The following CDC42BPG variants were observed in gnomAD, a reference collection of about 807,000 sequenced individuals.
CDC42BPG encodes serine/threonine-protein kinase MRCK gamma.
A neutral mutation model predicts 192.2 loss-of-function variants in CDC42BPG; 157 were observed. That is an observed-to-expected ratio of 0.82 (90% confidence interval 0.72 to 0.93). The LOEUF (loss-of-function observed/expected upper bound fraction) is 0.93. CDC42BPG is among the 40% of genes least tolerant of loss of function. CDC42BPG has a pLI of 0.00. For missense variants in CDC42BPG, 1,992 were observed against 2,122.1 expected (o/e 0.94, Z 1.20); for synonymous variants, 981 against 918.5 (o/e 1.07, Z -1.23).
chr11:64,834,245 A>T (rs1231801041), intron 20 of CDC42BPG, 21 bp downstream of exon 20: 1 of 1,551,782 alleles, frequency 6.4e-7, no homozygotes. Context: ...GCTCCGGGGC[A>T]AGCAGTTGGC....
In CDC42BPG at chr11:64,836,838, C is replaced by T. The variant is rs1433772037; in HGVS notation, c.1304-19G>A. 2 of 1,610,862 alleles carry T rather than the reference C, an allele frequency of 1.2e-6. No individual in the cohort carries two copies. The highest frequency in any genetic ancestry group is 1.1e-5 in the South Asian group (1 of 90,924). ...AGGGCCTCTGGAGGGGAGGTGGTAC[C>T]CACAGGTGAGTCCACTCCTCCATTC... On this transcript the variant is annotated intron_variant, in intron 10 of 36. Coordinates refer to ENST00000342711, the MANE Select transcript of CDC42BPG (RefSeq NM_017525.3).
intron 36 of CDC42BPG, 55 bp from the exon 37 acceptor site, chr11:64,824,584 C>T (rs1942348649): frequency 1.3e-5 from 17 of 1,316,440 alleles, no homozygotes; most frequent in Non-Finnish European, 1.7e-5. Flanking sequence ...ACTCTTTCCT[C>T]ATAGGGCTGG....
Position 64,833,249 on chromosome 11 carries a change from G to A in CDC42BPG, c.2713C>T (p.Gln905Ter), listed in dbSNP as rs1179459664. 1 of 1,549,216 alleles carries A rather than the reference G, an allele frequency of 6.5e-7. No homozygotes were observed. The highest frequency in any genetic ancestry group is 8.7e-7 in the Non-Finnish European group (1 of 1,146,524). ...CTSLMLGLGR[Q>*]GLGCDACGYF... ...CTCTCACCATCACAACCCAGGCCCT[G>A]GCGGCCCAGGCCCAGCATCAGCGAG... The change falls in exon 24 of 37, where the codon CAG becomes TAG. Residue 905 changes from glutamine (Q) to a stop codon, truncating the protein, a stop_gained. Coordinates refer to ENST00000342711, the MANE Select transcript of CDC42BPG (RefSeq NM_017525.3). LOFTEE classifies it high-confidence loss of function.
Position 64,840,571 on chromosome 11 carries a change from G to A in CDC42BPG, c.414C>T (p.Phe138=). The A allele has an allele frequency of 1.2e-6, 2 of 1,613,962 alleles. No homozygotes were observed. Among genetic ancestry groups the A allele is most frequent in the Non-Finnish European group, 1.7e-6 (2 of 1,179,996 alleles). Reference sequence around the variant, plus strand: ...TCCTCACCAGGTACTCCTCGTCTTGGAAGGCATAGTGCAGAGTGGTCACCC... The same window carrying A: ...TCCTCACCAGGTACTCCTCGTCTTGAAAGGCATAGTGCAGAGTGGTCACCC... ...SRWVTTLHYA[F]QDEEYLYLVM... Residue 138 remains phenylalanine, a synonymous_variant, in exon 4 of 37, where the codon TTC becomes TTT. Coordinates refer to ENST00000342711, the MANE Select transcript of CDC42BPG (RefSeq NM_017525.3).
Position 64,840,202 on chromosome 11 carries a change from G to A in CDC42BPG, c.499C>T (p.Leu167Phe), listed in dbSNP as rs1943217106. 6.2e-7 allele frequency: 1 copy of A among 1,613,250 alleles called. No individual in the cohort carries two copies. The highest frequency in any genetic ancestry group is 8.5e-7 in the Non-Finnish European group (1 of 1,179,990). The change falls in exon 5 of 37, where the codon CTC becomes TTC. Residue 167 changes from leucine (L) to phenylalanine (F), a missense_variant. By Grantham distance (22) the Leu-to-Phe change is conservative. Around this residue, in one of 2 missense-constraint regions of CDC42BPG, gnomAD observed 1,656 missense variants for 1,844.3 expected, o/e 0.90. Coordinates refer to ENST00000342711, the MANE Select transcript of CDC42BPG (RefSeq NM_017525.3). ...LTLLSRFEDR[L>F]PPELAQFYLA... is the part of the protein sequence containing the mutation. ...TAGAACTGGGCCAGCTCGGGCGGGAGACGGTCCTCGAAGCGGCTCAGCAGC... is the reference window on the plus strand; with the variant it reads ...TAGAACTGGGCCAGCTCGGGCGGGAAACGGTCCTCGAAGCGGCTCAGCAGC...
In CDC42BPG at chr11:64,841,608, C is replaced by A. The variant is rs754302953; in HGVS notation, c.336+42G>T. 33 of 1,561,518 alleles carry A rather than the reference C, an allele frequency of 2.1e-5. No individual in the cohort carries two copies. The Admixed American group carries it at 5.2e-4, about 25-fold the overall frequency. On this transcript the variant is annotated intron_variant, in intron 3 of 36. Transcript: ENST00000342711. ...TGGCAGCATACACCTCCCCCACACC[C>A]ATTTGTAGGGTGCCCAAGGGCCCCC...
At chr11:64,834,179 C>G (rs1942853869) in intron 20 of CDC42BPG, 87 bp downstream of exon 20, 1 of 1,435,864 alleles carries the variant, frequency 7.0e-7, no homozygotes, top group African/African-American at 1.4e-5. Flanking sequence ...GTCTCCACCA[C>G]CCTGCCAGGC....
intron 14 of CDC42BPG, 30 bp downstream of exon 14, chr11:64,835,732 A>C: frequency 6.2e-7 from 1 of 1,612,058 alleles, no homozygotes; most frequent in Admixed American, 1.7e-5. Flanking sequence ...GTGGGGAAGC[A>C]CCTCTTGCCA....
At chr11:64,824,942 G>C (rs2136233821) in intron 36 of CDC42BPG, among the ~76,000 whole-genome samples, 1 of 146,124 alleles carries the variant, frequency 6.8e-6, no homozygotes, top group South Asian at 2.2e-4. Context: ...TTTTTTTGGA[G>C]ACAGAGTCTC....
Position 64,827,074 on chromosome 11 carries a change from C to G in CDC42BPG, c.4365G>C (p.Arg1455=). The G allele has an allele frequency of 6.2e-7, 1 of 1,612,942 alleles. No homozygotes were observed. The highest frequency in any genetic ancestry group is 8.5e-7 in the Non-Finnish European group (1 of 1,179,040). Residue 1455 remains arginine, a synonymous_variant, in exon 34 of 37, where the codon CGG becomes CGC. Coordinates refer to ENST00000342711, the MANE Select transcript of CDC42BPG (RefSeq NM_017525.3). The part of the protein sequence containing the change: ...HLVHVGPANG[R]PGARDKSPAP... ...CCGGGGACTTGTCCCTGGCGCCGGG[C>G]CGCCCGTTGGCAGGGCCCACGTGTA...
At chr11:64,831,756 C>A (rs1326132013) in intron 27 of CDC42BPG, 35 bp from the exon 28 acceptor site, 1 of 1,535,034 alleles carries the variant, frequency 6.5e-7, no homozygotes. Flanking sequence ...GGGCCGTGGA[C>A]CAGAGCCATC....
At chr11:64,834,713 A>G (rs1565684392) in intron 18 of CDC42BPG, 136 bp from the exon 19 acceptor site, 7 of 1,344,388 alleles carry the variant, frequency 5.2e-6, no homozygotes, top group Non-Finnish European at 7.0e-6. Context: ...ACCCACTGTG[A>G]GCTCAGGGAA....
chr11:64,824,538 G>C lies in CDC42BPG; in HGVS notation c.4600-9C>G. The C allele has an allele frequency of 6.3e-7, 1 of 1,596,196 alleles. No homozygotes were observed. Among genetic ancestry groups the C allele is most frequent in the Non-Finnish European group, 8.6e-7 (1 of 1,164,070 alleles). On this transcript the variant is annotated splice_polypyrimidine_tract_variant and intron_variant, in intron 36 of 36. Transcript: ENST00000342711. ...CGGGGCCGTTCTGAGACCTGCAGGA[G>C]AAAGAAAAGGAAGTCAAGGGGTAGG...
rs567237746 is a variant in CDC42BPG at position 64,831,555 on chromosome 11, T to C, written c.3254A>G (p.Tyr1085Cys). Reference protein sequence around the residue: ...PRPVYTLKEAYDNGLPLLPHT... With the variant: ...PRPVYTLKEACDNGLPLLPHT... ...AGGCAGCAGCGGCAGCCCGTTGTCG[T>C]AAGCCTCCTTGAGTGTGTACACGGG... The change falls in exon 28 of 37, where the codon TAC (tyrosine) becomes TGC (cysteine). Residue 1085 changes from tyrosine (Y) to cysteine (C), a missense_variant. Tyr to Cys is a radical substitution (Grantham distance 194). This residue lies in a region of CDC42BPG where 1,656 missense variants were observed against 1,844.3 expected (regional missense o/e 0.90). Transcript: ENST00000342711. The C allele has an allele frequency of 6.9e-5, 111 of 1,612,278 alleles. 2 individuals are homozygous for C. The South Asian group carries it at 1.2e-3, about 18-fold the overall frequency.
At chr11:64,827,645 T>C (rs752488993) in intron 31 of CDC42BPG, 34 bp from the exon 32 acceptor site, 50 of 1,605,114 alleles carry the variant, frequency 3.1e-5, no homozygotes, top group Middle Eastern at 1.7e-4. Context: ...AGGCCACGCC[T>C]CCACCCCCGG....
chr11:64,836,789 TC>T lies in CDC42BPG; in HGVS notation c.1333del (p.Glu445SerfsTer20). 1 of 1,539,188 alleles carries T rather than the reference TC, an allele frequency of 6.5e-7. No individual in the cohort carries two copies. Among genetic ancestry groups the T allele is most frequent in the Non-Finnish European group, 8.8e-7 (1 of 1,140,152 alleles). ...EALHAPTDHR[E>X]LEQLRKEVQT... ...CACTTCCTTCCGTAGCTGCTCCAGC[TC>T]CCGATGGTCTGTGGGGGCGTGCAGG... On this transcript the variant is annotated frameshift_variant, in exon 11 of 37. Transcript: ENST00000342711. LOFTEE classifies it high-confidence loss of function.
chr11:64,833,993 G>A lies in CDC42BPG; in HGVS notation c.2414-16C>T, dbSNP rs962481619. The A allele has an allele frequency of 1.2e-6, 2 of 1,614,080 alleles. No individual in the cohort carries two copies. The highest frequency in any genetic ancestry group is 1.7e-5 in the Admixed American group (1 of 60,012). ...GGCTTGGTGTCTGCAAAGAAAGGGT[G>A]GGTCACTGGCCTGGGGTCCCTGGCC... On this transcript the variant is annotated splice_polypyrimidine_tract_variant and intron_variant, in intron 20 of 36. Transcript: ENST00000342711.
chr11:64,844,014 G>C (rs146043110), intron 1 of CDC42BPG, among the ~76,000 whole-genome samples: 111 of 152,326 alleles, frequency 7.3e-4, no homozygotes, highest in African/African-American at 2.5e-3. Flanking sequence ...CGAGAGGAAG[G>C]AGAAACAGAG....
Position 64,837,038 on chromosome 11 carries a change from C to T in CDC42BPG, c.1206-19G>A, listed in dbSNP as rs1451490308. 1 of 1,596,178 alleles carries T rather than the reference C, an allele frequency of 6.3e-7. No homozygotes were observed. The highest frequency in any genetic ancestry group is 1.3e-5 in the African/African-American group (1 of 74,588). ...ACTGTGACTGTAGGGGGACAGGGGC[C>T]ATGTTTGTTGGTAGAAACCTCACCC... On this transcript the variant is annotated intron_variant, in intron 9 of 36. Coordinates refer to ENST00000342711, the MANE Select transcript of CDC42BPG (RefSeq NM_017525.3).
Sources: allele counts gnomAD v4.1 joint callset (sites outside exome capture counted in the v4.1 genomes callset), GRCh38; gene constraint gnomAD v4.1.1; regional missense constraint gnomAD v4.1.1; transcripts MANE v1.5; gene names NCBI Gene and HGNC (gene_info 2026-07-23, HGNC 2026-07-21).